TNFRSF10B: variants seen among roughly 807,000 people sequenced by gnomAD.
TNFRSF10B encodes TNF receptor superfamily member 10b.
TNFRSF10B carries 35 observed loss-of-function variants against 41.4 expected under a neutral mutation model. That is an observed-to-expected ratio of 0.85 (90% CI 0.65 to 1.12). The LOEUF is 1.12. Among genes scored for constraint, TNFRSF10B ranks in the 50% most tolerant of loss-of-function variants. TNFRSF10B has a pLI of 0.00. For missense variants in TNFRSF10B, 584 were observed against 552.7 expected (o/e 1.06, Z -0.57); for synonymous variants, 230 against 215.5 (o/e 1.07, Z -0.59).
chr8:23,023,417 G>A (rs1218928630), intron 8 of TNFRSF10B, among the ~76,000 whole-genome samples: 2 of 152,192 alleles, frequency 1.3e-5, no homozygotes, highest in Non-Finnish European at 2.9e-5. Context: ...CAGGGCCTGG[G>A]ACAGGGGACC....
At chr8:23,062,933 C>G (rs1484524431) in intron 1 of TNFRSF10B, among the ~76,000 whole-genome samples, 2 of 152,216 alleles carry the variant, frequency 1.3e-5, no homozygotes, top group Non-Finnish European at 2.9e-5. Flanking sequence ...TCATATGTTA[C>G]AAACCCTACA....
rs1320104195 is a variant in TNFRSF10B, at chr8:23,040,277, A to G, written c.250+2861T>C. Among the ~76,000 whole-genome samples, 6 of 95,502 alleles carry G rather than the reference A, an allele frequency of 6.3e-5. 2 individuals carry two copies. The highest frequency in any genetic ancestry group is 1.2e-4 in the Non-Finnish European group (5 of 42,974). The allele number at this position is 95,502 out of a possible 152,430, so 62.7% of individuals were successfully genotyped here. On this transcript the variant is annotated intron_variant, in intron 2 of 8. Coordinates refer to ENST00000276431, the MANE Select transcript of TNFRSF10B (RefSeq NM_003842.5). Reference sequence around the variant, plus strand: ...ATATATATTTATTAAATATATATATAATATATATTTATTAAATATATATAA... The same window carrying G: ...ATATATATTTATTAAATATATATATGATATATATTTATTAAATATATATAA...
chr8:23,031,697 C>T (rs918602619), intron 2 of TNFRSF10B, among the ~76,000 whole-genome samples: 1 of 151,904 alleles, frequency 6.6e-6, no homozygotes, highest in Admixed American at 6.6e-5. Flanking sequence ...GCCCAGCCCA[C>T]ATATGAAATT....
chr8:23,020,557 TG>T lies in TNFRSF10B; in HGVS notation c.*2113del, dbSNP rs1268443913. The stretch of plus-strand genomic sequence containing the variant: ...AAATACAAAAATTAGCCAGGCGTGG[TG>T]GCGGGTGCCTGCAATCCCAGCTACT... On this transcript the variant is annotated 3_prime_UTR_variant, in exon 9 of 9. Coordinates refer to ENST00000276431, the MANE Select transcript of TNFRSF10B (RefSeq NM_003842.5). The T allele has an allele frequency of 4.5e-6, 2 of 446,058 alleles. No individual in the cohort carries two copies. The highest frequency in any genetic ancestry group is 9.0e-6 in the Non-Finnish European group (2 of 221,830). 27.6% of individuals were successfully genotyped at this position (446,058 alleles called of 1,614,324 possible). A position where few individuals can be genotyped will look rare whatever the true frequency, so the allele number is the denominator to read the frequency against.
intron 7 of TNFRSF10B, among the ~76,000 whole-genome samples, chr8:23,025,241 G>A (rs922456722): frequency 2.0e-5 from 3 of 152,148 alleles, no homozygotes; most frequent in African/African-American, 7.2e-5. Context: ...CAGCTTTGAT[G>A]AGGAATAGGA....
intron 1 of TNFRSF10B, chr8:23,068,496 T>TGTCGCCCTCCCC: frequency 1.1e-5 from 6 of 570,706 alleles, no homozygotes; most frequent in Non-Finnish European, 1.8e-5. Flanking sequence ...ATTCCCTCCT[T>TGTCGCCCTCCCC]GTCGCCCTCC....
chr8:23,032,145 T>C (rs1406549433), intron 2 of TNFRSF10B, among the ~76,000 whole-genome samples: 1 of 152,142 alleles, frequency 6.6e-6, no homozygotes, highest in African/African-American at 2.4e-5. Flanking sequence ...GACCTCGTGA[T>C]CCACCTGCCT....
intron 1 of TNFRSF10B, among the ~76,000 whole-genome samples, chr8:23,064,096 A>G (rs890093595): frequency 1.6e-4 from 24 of 152,234 alleles, no homozygotes; most frequent in African/African-American, 5.8e-4. Flanking sequence ...TCCTTAGCAC[A>G]GTTTCCATTC....
chr8:23,022,318 T>C lies in TNFRSF10B; in HGVS notation c.*353A>G. 1 of 464,278 alleles carries C rather than the reference T, an allele frequency of 2.2e-6. No individual in the cohort carries two copies. Among genetic ancestry groups the C allele is most frequent in the South Asian group, 1.5e-5 (1 of 64,574 alleles). The allele number at this position is 464,278 out of a possible 1,614,324, so 28.8% of individuals were successfully genotyped here. On this transcript the variant is annotated 3_prime_UTR_variant, in exon 9 of 9. Coordinates refer to ENST00000276431, the MANE Select transcript of TNFRSF10B (RefSeq NM_003842.5). Reference sequence around the variant, plus strand: ...ATCAAGTGAAGTCGGACAACGACTGTGTAGATGGATCTTACAATGTAGCCC... The same window carrying C: ...ATCAAGTGAAGTCGGACAACGACTGCGTAGATGGATCTTACAATGTAGCCC...
chr8:23,041,586 C>T (rs1812202691), intron 2 of TNFRSF10B, among the ~76,000 whole-genome samples: 1 of 139,816 alleles, frequency 7.2e-6, no homozygotes, highest in Non-Finnish European at 1.5e-5. Context: ...TGTAAGAATT[C>T]ATGTGACTCA....
intron 1 of TNFRSF10B, among the ~76,000 whole-genome samples, chr8:23,059,545 C>T (rs1245994711): frequency 2.0e-5 from 3 of 152,156 alleles, no homozygotes; most frequent in South Asian, 2.1e-4. Context: ...CTCGTTCTGT[C>T]GCCCAGGCTG....
chr8:23,051,658 C>T (rs981818773), intron 1 of TNFRSF10B, among the ~76,000 whole-genome samples: 1 of 152,018 alleles, frequency 6.6e-6, no homozygotes, highest in Non-Finnish European at 1.5e-5. Context: ...CATTCTCCTG[C>T]CTCAGCCTCC....
chr8:23,022,949 C>T lies in TNFRSF10B; in HGVS notation c.1045G>A (p.Val349Met), dbSNP rs753715279. The T allele has an allele frequency of 6.2e-7, 1 of 1,613,522 alleles. No homozygotes were observed. Among genetic ancestry groups the T allele is most frequent in the African/African-American group, 1.3e-5 (1 of 74,878 alleles). Residue 349 changes from valine (V) to methionine (M), a missense_variant, in exon 9 of 9, where the codon GTG (valine) becomes ATG (methionine). By Grantham distance (21) the Val-to-Met change is conservative (BLOSUM62 1). Transcript: ENST00000276431. ...AGCGGCTCCCAGGAGTCAAAGGGCA[C>T]CAAGTCTGCAAAGTCATCGAAGCAC... ...RQCFDDFADL[V>M]PFDSWEPLMR... is the part of the protein sequence containing the mutation.
chr8:23,035,864 T>G (rs957458250), intron 2 of TNFRSF10B, among the ~76,000 whole-genome samples: 1 of 152,186 alleles, frequency 6.6e-6, no homozygotes, highest in Non-Finnish European at 1.5e-5. Flanking sequence ...CACCTAAAAA[T>G]GTGCTAGTTT....
intron 1 of TNFRSF10B, among the ~76,000 whole-genome samples, chr8:23,055,521 T>TTAAAAAAAAAAAA (rs1554510887): frequency 1.4e-4 from 17 of 120,528 alleles, no homozygotes; most frequent in African/African-American, 4.9e-4. Context: ...ATTAAATGCT[T>TTAAAAAAAAAAAA]AAAAAAAAAA....
In TNFRSF10B at chr8:23,040,300, T is replaced by TATACAA. The variant is rs199533843; in HGVS notation, c.250+2837_250+2838insTTGTAT. Among the ~76,000 whole-genome samples, 3 of 32,958 alleles carry TATACAA rather than the reference T, an allele frequency of 9.1e-5. 1 individual carries two copies. Among genetic ancestry groups the TATACAA allele is most frequent in the Non-Finnish European group, 3.4e-4 (3 of 8,724 alleles). 21.6% of individuals were successfully genotyped at this position (32,958 alleles called of 152,430 possible). A position where few individuals can be genotyped will look rare whatever the true frequency, so the allele number is the denominator to read the frequency against. On this transcript the variant is annotated intron_variant, in intron 2 of 8. Transcript: ENST00000276431. ...ATAATATATATTTATTAAATATATA[T>TATACAA]AATATATATTTAATAAATATATATA...
Position 23,030,720 on chromosome 8 carries a change from G to T in TNFRSF10B, c.364+39C>A, listed in dbSNP as rs201741071. 2.7e-6 allele frequency: 4 copies of T among 1,497,238 alleles called. No individual in the cohort carries two copies. In the Admixed American group the frequency reaches 5.4e-5, roughly 20 times the overall value. The allele number at this position is 1,497,238 out of a possible 1,614,324, so 92.7% of individuals were successfully genotyped here. A position where few individuals can be genotyped will look rare whatever the true frequency, so the allele number is the denominator to read the frequency against. The stretch of plus-strand genomic sequence containing the variant: ...GCTACAACTTTTATGTCATCACCCC[G>T]CATTCCACCTTTAGGCATGGGGTCC... On this transcript the variant is annotated intron_variant, in intron 3 of 8. Coordinates refer to ENST00000276431, the MANE Select transcript of TNFRSF10B (RefSeq NM_003842.5).
At position 23,021,814 on chromosome 8, in the gene TNFRSF10B, C is replaced by A; in HGVS notation, c.*857G>T. On this transcript the variant is annotated 3_prime_UTR_variant, in exon 9 of 9. Coordinates refer to ENST00000276431, the MANE Select transcript of TNFRSF10B (RefSeq NM_003842.5). Reference sequence around the variant, plus strand: ...ATCTGAGGGAGGGCTGGAACCCAGACAGTGACATCTTACAGGGGACTTCTT... The same window carrying A: ...ATCTGAGGGAGGGCTGGAACCCAGAAAGTGACATCTTACAGGGGACTTCTT... 2.2e-6 allele frequency: 1 copy of A among 454,172 alleles called. No homozygotes were observed. Among genetic ancestry groups the A allele is most frequent in the Non-Finnish European group, 4.4e-6 (1 of 226,800 alleles). 28.1% of individuals were successfully genotyped at this position (454,172 alleles called of 1,614,324 possible).
At chr8:23,058,646 C>G (rs1417903289) in intron 1 of TNFRSF10B, among the ~76,000 whole-genome samples, 1 of 152,008 alleles carries the variant, frequency 6.6e-6, no homozygotes, top group Non-Finnish European at 1.5e-5. Context: ...TCACAATGCC[C>G]AGCTAATTTT....
Sources: gnomAD v4.1 joint callset for allele counts (sites outside exome capture counted in the v4.1 genomes callset) on GRCh38, gnomAD v4.1.1 for gene constraint, MANE v1.5 for transcripts, NCBI Gene and HGNC (gene_info 2026-07-23, HGNC 2026-07-21) for gene names.